TCFL5: variants seen among roughly 807,000 people sequenced by gnomAD.
TCFL5 encodes transcription factor-like 5 protein.
Under a neutral mutation model 44.3 loss-of-function variants are expected in TCFL5, and 9 were observed. That is an observed-to-expected ratio of 0.20 (90% CI 0.12 to 0.35). The LOEUF is 0.35. Ranked by LOEUF, TCFL5 falls within the 10% of genes least tolerant of loss-of-function variation. The probability of loss-of-function intolerance (pLI) is 1.00; values close to 1 mark genes in which losing one functional copy is unlikely to be tolerated. For missense variants in TCFL5, 603 were observed against 613.4 expected, an observed-to-expected ratio of 0.98 and a Z score of 0.18; for synonymous variants, 319 against 271.6, an observed-to-expected ratio of 1.17 and a Z score of -1.72.
At position 62,842,207 on chromosome 20, in the gene TCFL5, C is replaced by T. The variant is rs1031600467; in HGVS notation, c.1381-110G>A. The T allele has an allele frequency of 1.1e-5, 15 of 1,405,380 alleles. No individual in the cohort carries two copies. The East Asian group carries it at 2.1e-4, about 20-fold the overall frequency. The allele number at this position is 1,405,380 out of a possible 1,614,324, so 87.1% of individuals were successfully genotyped here. A position where few individuals can be genotyped will look rare whatever the true frequency, so the allele number is the denominator to read the frequency against. On this transcript the variant is annotated intron_variant, in intron 5 of 5. Transcript: ENST00000335351. This position sits in a 1 kb window ranked among gnomAD's most constrained non-coding sequence, Gnocchi z 4.3. Reference sequence around the variant, plus strand: ...GAGCTAAGTAAATGACTTTAGAATACGCTGTTTTAAGGTGTCATTCACAAA... The same window carrying T: ...GAGCTAAGTAAATGACTTTAGAATATGCTGTTTTAAGGTGTCATTCACAAA...
chr20:62,851,639 G>A (rs1479816253), intron 5 of TCFL5: 10 of 985,266 alleles, frequency 1.0e-5, no homozygotes, highest in Non-Finnish European at 1.2e-5. Flanking sequence ...GCAATTAAAT[G>A]TATAATGTAA....
intron 5 of TCFL5, among the ~76,000 whole-genome samples, chr20:62,843,775 C>T (rs182325798): frequency 1.4e-4 from 21 of 152,202 alleles, no homozygotes; most frequent in Non-Finnish European, 2.9e-5. Flanking sequence ...GCCCCTGGCA[C>T]GTACCAGTCC....
chr20:62,857,343 T>G, intron 4 of TCFL5, 52 bp downstream of exon 4: 1 of 1,599,016 alleles, frequency 6.3e-7, no homozygotes, highest in Non-Finnish European at 8.5e-7. Flanking sequence ...TAACCATGTA[T>G]GACTAAGGTA....
chr20:62,841,019 T>C lies in TCFL5; in HGVS notation c.*956A>G, dbSNP rs1037187379. The stretch of plus-strand genomic sequence containing the variant: ...GTACAACTCCACGAGGTGAAAAATA[T>C]TCAGTAACTTGTTTACATAGCATTT... On this transcript the variant is annotated 3_prime_UTR_variant, in exon 6 of 6. Coordinates refer to ENST00000335351, the MANE Select transcript of TCFL5 (RefSeq NM_006602.4). 7 of 416,932 alleles carry C rather than the reference T, an allele frequency of 1.7e-5. No individual in the cohort carries two copies. Among genetic ancestry groups the C allele is most frequent in the Admixed American group, 4.0e-5 (1 of 24,992 alleles). The allele number at this position is 416,932 out of a possible 1,614,324, so 25.8% of individuals were successfully genotyped here. A position where few individuals can be genotyped will look rare whatever the true frequency, so the allele number is the denominator to read the frequency against.
At position 62,842,236 on chromosome 20, in the gene TCFL5, G is replaced by T; in HGVS notation, c.1381-139C>A. 9.2e-7 allele frequency: 1 copy of T among 1,089,090 alleles called. No individual in the cohort carries two copies. Among genetic ancestry groups the T allele is most frequent in the Non-Finnish European group, 1.3e-6 (1 of 771,794 alleles). 67.5% of individuals were successfully genotyped at this position (1,089,090 alleles called of 1,614,324 possible). A position where few individuals can be genotyped will look rare whatever the true frequency, so the allele number is the denominator to read the frequency against. ...GTTTTAAGGTGTCATTCACAAACTTGTGTCTTACCTCACAAGGGGATTTAT... is the reference window on the plus strand; with the variant it reads ...GTTTTAAGGTGTCATTCACAAACTTTTGTCTTACCTCACAAGGGGATTTAT... On this transcript the variant is annotated intron_variant, in intron 5 of 5. Transcript: ENST00000335351. This position sits in a 1 kb window ranked among gnomAD's most constrained non-coding sequence, Gnocchi z 4.3.
intron 5 of TCFL5, chr20:62,851,799 C>G: frequency 1.0e-6 from 1 of 985,398 alleles, no homozygotes; most frequent in Non-Finnish European, 1.2e-6. Context: ...CTAGCCCCAC[C>G]ATGACGTAGA....
chr20:62,848,641 G>A (rs532889601), intron 5 of TCFL5, among the ~76,000 whole-genome samples: 4 of 152,096 alleles, frequency 2.6e-5, no homozygotes, highest in Non-Finnish European at 5.9e-5. Context: ...GGGAGGCTGA[G>A]GCAGGAGAAT....
At chr20:62,852,407 C>T in intron 5 of TCFL5, 1 of 984,618 alleles carries the variant, frequency 1.0e-6, no homozygotes, top group African/African-American at 1.7e-5. Flanking sequence ...CTGGGGTCCC[C>T]CCAAGGCAGG....
intron 4 of TCFL5, among the ~76,000 whole-genome samples, chr20:62,856,603 G>A (rs1383878235): frequency 6.6e-6 from 1 of 151,680 alleles, no homozygotes; most frequent in Admixed American, 6.6e-5. Context: ...CTACTCAGGA[G>A]GCTGAGGCAG....
At position 62,861,464 on chromosome 20, in the gene TCFL5, AGCC is replaced by A; in HGVS notation, c.204_206del (p.Ala69del). 1 of 1,184,306 alleles carries A rather than the reference AGCC, an allele frequency of 8.4e-7. No individual in the cohort carries two copies. The allele number at this position is 1,184,306 out of a possible 1,614,324, so 73.4% of individuals were successfully genotyped here. A position where few individuals can be genotyped will look rare whatever the true frequency, so the allele number is the denominator to read the frequency against. ...TGAGGCGCGTCTCGAGCTCGCCGTC[AGCC>A]GCCGCCTCCATGTGCGAGCAGAGGA... On this transcript the variant is annotated inframe_deletion, in exon 1 of 6. Transcript: ENST00000335351. This position sits in a 1 kb window ranked among gnomAD's most constrained non-coding sequence, Gnocchi z 4.0.
intron 4 of TCFL5, among the ~76,000 whole-genome samples, chr20:62,855,698 G>A (rs867218164): frequency 2.6e-5 from 4 of 151,906 alleles, no homozygotes; most frequent in African/African-American, 7.3e-5. Context: ...CCTGGGAGGC[G>A]AAGGTTGCGT....
Position 62,842,545 on chromosome 20 carries a change from T to C in TCFL5, c.1381-448A>G, listed in dbSNP as rs2063691668. Among the ~76,000 whole-genome samples the C allele has an allele frequency of 6.6e-6, 1 of 152,216 alleles. No individual in the cohort carries two copies. Among genetic ancestry groups the C allele is most frequent in the Non-Finnish European group, 1.5e-5 (1 of 68,046 alleles). On this transcript the variant is annotated intron_variant, in intron 5 of 5. Coordinates refer to ENST00000335351, the MANE Select transcript of TCFL5 (RefSeq NM_006602.4). This position sits in a 1 kb window ranked among gnomAD's most constrained non-coding sequence, Gnocchi z 4.3. ...GGGAGGCCGAGGTGGGTGGATCACC[T>C]GACGTCAGGAGTTCAGGACCAGCCT... is the stretch of plus-strand genomic sequence containing the variant.
At chr20:62,854,834 C>T (rs770978922) in intron 4 of TCFL5, among the ~76,000 whole-genome samples, 6 of 152,184 alleles carry the variant, frequency 3.9e-5, no homozygotes, top group Admixed American at 6.5e-5. Context: ...CCTTCACACC[C>T]GTCTATTTAG....
rs1600855773 is a variant in TCFL5 at position 62,857,525 on chromosome 20, T to G, written c.1108A>C (p.Thr370Pro). The G allele has an allele frequency of 6.2e-7, 1 of 1,614,206 alleles. No individual in the cohort carries two copies. Among genetic ancestry groups the G allele is most frequent in the East Asian group, 2.2e-5 (1 of 44,886 alleles). The change falls in exon 4 of 6, where the codon ACC becomes CCC. Residue 370 changes from threonine (T) to proline (P), a missense_variant. Coordinates refer to ENST00000335351, the MANE Select transcript of TCFL5 (RefSeq NM_006602.4). The stretch of plus-strand genomic sequence containing the variant: ...GACTGCCAAGCGCCTTGTGTGGCGG[T>G]GGCACCTTCGCCCACATTCTGAATC... ...GEIQNVGEGA[T>P]ATQGAWQSSE...
rs148018257 is a variant in TCFL5 at position 62,845,957 on chromosome 20, C to G, written c.1381-3860G>C. 1.4e-4 allele frequency: 201 copies of G among 1,456,686 alleles called. No homozygotes were observed. In the African/African-American group the frequency reaches 2.2e-3, roughly 16 times the overall value. 90.2% of individuals were successfully genotyped at this position (1,456,686 alleles called of 1,614,324 possible). A position where few individuals can be genotyped will look rare whatever the true frequency, so the allele number is the denominator to read the frequency against. On this transcript the variant is annotated intron_variant, in intron 5 of 5. Transcript: ENST00000335351. ...AACCCTGAACAGCTGGAAATGAGCC[C>G]AGATAGAAACTTCAAATGCAAAGCT... is the stretch of plus-strand genomic sequence containing the variant.
At chr20:62,855,972 C>T (rs1449373721) in intron 4 of TCFL5, among the ~76,000 whole-genome samples, 4 of 151,434 alleles carry the variant, frequency 2.6e-5, no homozygotes, top group Admixed American at 6.6e-5. Context: ...AATTATAGGC[C>T]GGGTGTGGTG....
chr20:62,841,973 G>T lies in TCFL5; in HGVS notation c.*2C>A. On this transcript the variant is annotated 3_prime_UTR_variant, in exon 6 of 6. Transcript: ENST00000335351. ...CCCCCCGAGGATTCCTGTTCAGTCC[G>T]ATCACTTGATCTCCATCGAGGGGCT... 1 of 1,613,948 alleles carries T rather than the reference G, an allele frequency of 6.2e-7. No homozygotes were observed. The highest frequency in any genetic ancestry group is 8.5e-7 in the Non-Finnish European group (1 of 1,179,974).
chr20:62,853,824 T>G (rs1172755402), intron 5 of TCFL5, among the ~76,000 whole-genome samples, 192 bp downstream of exon 5: 7 of 152,230 alleles, frequency 4.6e-5, no homozygotes, highest in Admixed American at 4.6e-4. Context: ...GTAACACATG[T>G]AGGCTGTGAC....
At chr20:62,848,563 C>A (rs2063771908) in intron 5 of TCFL5, among the ~76,000 whole-genome samples, 1 of 151,980 alleles carries the variant, frequency 6.6e-6, no homozygotes, top group Non-Finnish European at 1.5e-5. Flanking sequence ...CATGGCGAAA[C>A]ACTGTCTCTA....
Sources: allele counts gnomAD v4.1 joint callset (sites outside exome capture counted in the v4.1 genomes callset), GRCh38; gene constraint gnomAD v4.1.1; non-coding constraint Gnocchi (gnomAD v3.1); transcripts MANE v1.5; gene names NCBI Gene and HGNC (gene_info 2026-07-23, HGNC 2026-07-21).